Variants in TNS1 observed in about 807,000 individuals in gnomAD.
The protein encoded by TNS1 is tensin 1.
In TNS1, 62 loss-of-function variants were observed where a neutral mutation model predicts 168.6. The ratio of observed to expected loss-of-function variants is 0.37; its 90% CI spans 0.30 to 0.45. The LOEUF is 0.45. TNS1 is among the 20% of genes least tolerant of loss of function. The pLI is 1.00. For synonymous variants in TNS1, 934 were observed against 933.2 expected, an observed-to-expected ratio of 1.00 and a Z score of -0.02; for missense variants, 2,240 against 2,339.4, an observed-to-expected ratio of 0.96 and a Z score of 0.88.
chr2:217,944,147 C>G (rs962527349), intron 3 of TNS1: 1 of 152,510 alleles, frequency 6.6e-6, no homozygotes, highest in Non-Finnish European at 1.5e-5. Flanking sequence ...GCCTCCTTCC[C>G]GGAGCCAGCC....
At chr2:217,887,103 C>A (rs1045427243) in intron 12 of TNS1, among the ~76,000 whole-genome samples, 3 of 152,192 alleles carry the variant, frequency 2.0e-5, no homozygotes, top group African/African-American at 4.8e-5. Context: ...ACTCACAGCC[C>A]CAGTTCTGCC....
chr2:217,901,249 T>A (rs1952940698), intron 6 of TNS1, among the ~76,000 whole-genome samples: 1 of 152,138 alleles, frequency 6.6e-6, no homozygotes, highest in African/African-American at 2.4e-5. Context: ...GATTCCAGGA[T>A]CCTGCTGGGC....
intron 2 of TNS1, among the ~76,000 whole-genome samples, chr2:217,985,009 G>A (rs1026333498): frequency 2.0e-5 from 3 of 151,278 alleles, no homozygotes; most frequent in African/African-American, 4.9e-5. Flanking sequence ...TGCCTACCTC[G>A]GCCTCCCAAA....
At chr2:218,003,042 C>T, upstream of TNS1, 1 of 411,422 alleles carries the variant, frequency 2.4e-6, no homozygotes, top group South Asian at 1.8e-5. Flanking sequence ...CCCTCCTCCT[C>T]CTCCTCCCCC....
rs1437045554 is a variant in TNS1 at position 217,842,290 on chromosome 2, C to T, written c.3007+5220G>A. On this transcript the variant is annotated intron_variant, in intron 19 of 32. Coordinates refer to ENST00000682258, the MANE Select transcript of TNS1 (RefSeq NM_001387777.1). ...TAAACTCCTGACTCATTTATCCAAC[C>T]ACTGCAGATGTTTCATGGTCATCTC... 5.0e-5 allele frequency: 28 copies of T among 559,872 alleles called. No individual in the cohort carries two copies. The East Asian group carries it at 8.4e-4, about 17-fold the overall frequency. The allele number at this position is 559,872 out of a possible 1,614,324, so 34.7% of individuals were successfully genotyped here. A position where few individuals can be genotyped will look rare whatever the true frequency, so the allele number is the denominator to read the frequency against.
rs948145333 is a variant in TNS1, at chr2:217,801,446, T to C, written c.*3013A>G. The C allele has an allele frequency of 1.3e-5, 2 of 152,218 alleles. No homozygotes were observed. Among genetic ancestry groups the C allele is most frequent in the Non-Finnish European group, 2.9e-5 (2 of 68,084 alleles). The allele number at this position is 152,218 out of a possible 1,614,324, so 9.4% of individuals were successfully genotyped here. A position where few individuals can be genotyped will look rare whatever the true frequency, so the allele number is the denominator to read the frequency against. On this transcript the variant is annotated 3_prime_UTR_variant, in exon 33 of 33. Coordinates refer to ENST00000682258, the MANE Select transcript of TNS1 (RefSeq NM_001387777.1). ...GGGACTGAACCTGCTGGGGTCTGCG[T>C]CGCTGCGATGTCCATGACTCCCTGG...
intron 19 of TNS1, among the ~76,000 whole-genome samples, chr2:217,836,774 G>A (rs369162439): frequency 4.6e-5 from 7 of 152,248 alleles, no homozygotes; most frequent in South Asian, 2.1e-4. Context: ...AACTTCATCC[G>A]GTGTACCGCT....
chr2:217,813,266 T>C lies in TNS1; in HGVS notation c.4903A>G (p.Thr1635Ala). The change falls in exon 27 of 33, where the codon ACT becomes GCT. Residue 1635 changes from threonine (T) to alanine (A), a missense_variant. By Grantham distance (58) the Thr-to-Ala change is moderately conservative (BLOSUM62 0). Around this residue, in one of 2 missense-constraint regions of TNS1, gnomAD observed 2,131 missense variants for 2,171.2 expected, o/e 0.98. Transcript: ENST00000682258. The surrounding 1 kb of genome is among the most constrained non-coding windows in gnomAD (Gnocchi z 4.0). ...TTGAGCTTGACTCCTCTGGGGCCAG[T>C]CTCTATCAGAAAATGCCTGACCAGC... ...HELVRHFLIE[T>A]GPRGVKLKGC... 2 of 1,601,170 alleles carry C rather than the reference T, an allele frequency of 1.2e-6. No homozygotes were observed. The highest frequency in any genetic ancestry group is 2.2e-5 in the East Asian group (1 of 44,536).
rs1958920176 is a variant in TNS1, at chr2:218,033,649, C to CCT, written c.156+170_156+171insAG. Among the ~76,000 whole-genome samples the CCT allele has an allele frequency of 6.6e-6, 1 of 152,154 alleles. No individual in the cohort carries two copies. The highest frequency in any genetic ancestry group is 2.4e-5 in the African/African-American group (1 of 41,442). On this transcript the variant is annotated intron_variant, in intron 1 of 1. Transcript: ENST00000649572. This position sits in a 1 kb window ranked among gnomAD's most constrained non-coding sequence, Gnocchi z 4.3. The stretch of plus-strand genomic sequence containing the variant: ...CCCTCTACCCAACTGGAGGCCCCTT[C>CCT]ACCCGGTCGTGGTCCTTCCTCCCCC...
rs1937959232 is a variant in TNS1, at chr2:217,804,254, CTT to C, written c.*203_*204del. ...GGGAATCCAAGTTCTTCTCCTCCAT[CTT>C]TCTCTCTCTCTCTCTCTCTCTCTCT... On this transcript the variant is annotated 3_prime_UTR_variant, in exon 33 of 33. Transcript: ENST00000682258. 4.1e-5 allele frequency: 25 copies of C among 605,040 alleles called. No individual in the cohort carries two copies. Among genetic ancestry groups the C allele is most frequent in the South Asian group, 3.6e-4 (16 of 44,718 alleles). 37.5% of individuals were successfully genotyped at this position (605,040 alleles called of 1,614,324 possible).
intron 19 of TNS1, among the ~76,000 whole-genome samples, chr2:217,837,669 A>C (rs905073972): frequency 6.6e-6 from 1 of 152,264 alleles, no homozygotes. Flanking sequence ...ATCTCAGCTA[A>C]GAAAATAGCG....
chr2:217,920,308 A>G lies in TNS1; in HGVS notation c.187-72T>C, dbSNP rs910785699. 5 of 701,150 alleles carry G rather than the reference A, an allele frequency of 7.1e-6. No homozygotes were observed. The African/African-American group carries it at 8.7e-5, about 12-fold the overall frequency. The allele number at this position is 701,150 out of a possible 1,614,324, so 43.4% of individuals were successfully genotyped here. ...GAGACAGCCAGCACCTCCTGAGGTC[A>G]CCCCACACCTCCCCCTGCTTCATTC... On this transcript the variant is annotated intron_variant, in intron 3 of 32. Coordinates refer to ENST00000682258, the MANE Select transcript of TNS1 (RefSeq NM_001387777.1).
At position 217,944,761 on chromosome 2, in the gene TNS1, G is replaced by A. The variant is rs368662248; in HGVS notation, c.187-24525C>T. 3.3e-5 allele frequency among the ~76,000 whole-genome samples: 5 copies of A among 152,284 alleles called. No homozygotes were observed. In the East Asian group the frequency reaches 7.7e-4, roughly 23 times the overall value. On this transcript the variant is annotated intron_variant, in intron 3 of 32. Coordinates refer to ENST00000682258, the MANE Select transcript of TNS1 (RefSeq NM_001387777.1). ...AAATAAGATGGATTGGCAGAAATGT[G>A]ATAAAGCAAATATATCAAAGTGTTC...
At chr2:218,028,170 C>T (rs1174377279) in intron 1 of TNS1, among the ~76,000 whole-genome samples, 1 of 152,232 alleles carries the variant, frequency 6.6e-6, no homozygotes, top group Non-Finnish European at 1.5e-5. Flanking sequence ...TGTCAGTTGA[C>T]TTCACCTGAC....
At position 217,830,289 on chromosome 2, in the gene TNS1, A is replaced by C. The variant is rs1574675972; in HGVS notation, c.3373+1166T>G. The C allele has an allele frequency of 3.1e-6, 5 of 1,587,858 alleles. No homozygotes were observed. The East Asian group carries it at 1.1e-4, about 36-fold the overall frequency. ...CCCCCGTGGCTCAGTGTCCCTGGCCATGCCGACACTCTGAGTGGGAGGCTA... is the reference window on the plus strand; with the variant it reads ...CCCCCGTGGCTCAGTGTCCCTGGCCCTGCCGACACTCTGAGTGGGAGGCTA... On this transcript the variant is annotated intron_variant, in intron 22 of 32. Transcript: ENST00000682258.
At chr2:217,956,355 C>T (rs1012539828) in intron 3 of TNS1, among the ~76,000 whole-genome samples, 8 of 151,936 alleles carry the variant, frequency 5.3e-5, no homozygotes, top group African/African-American at 1.9e-4. Context: ...ACCTGGGGAA[C>T]AAGGGAGGCT....
intron 12 of TNS1, among the ~76,000 whole-genome samples, chr2:217,887,852 C>T (rs879082740): frequency 3.8e-4 from 58 of 152,208 alleles, no homozygotes; most frequent in Admixed American, 6.5e-4. Flanking sequence ...CCTTCTGCGT[C>T]GATTGGTCGG....
Position 217,818,482 on chromosome 2 carries a change from C to T in TNS1, c.3850G>A (p.Ala1284Thr). 1.9e-6 allele frequency: 3 copies of T among 1,614,214 alleles called. No homozygotes were observed. The highest frequency in any genetic ancestry group is 2.5e-6 in the Non-Finnish European group (3 of 1,180,038). Residue 1284 changes from alanine (A) to threonine (T), a missense_variant, in exon 24 of 33, where the codon GCG becomes ACG. By Grantham distance (58) the Ala-to-Thr change is moderately conservative. This residue lies in a region of TNS1 where 2,131 missense variants were observed against 2,171.2 expected (regional missense o/e 0.98). Coordinates refer to ENST00000682258, the MANE Select transcript of TNS1 (RefSeq NM_001387777.1). ...GVHTVPGSPQ[A>T]RHRTVGTNTP... ...TTGGTGCCCACTGTTCTGTGGCGCGCCTGAGGGCTCCCAGGCACCGTGTGG... is the reference window on the plus strand; with the variant it reads ...TTGGTGCCCACTGTTCTGTGGCGCGTCTGAGGGCTCCCAGGCACCGTGTGG...
chr2:217,857,816 C>T (rs1415322472), intron 18 of TNS1, among the ~76,000 whole-genome samples: 1 of 152,166 alleles, frequency 6.6e-6, no homozygotes, highest in African/African-American at 2.4e-5. Context: ...CCTGGCACTC[C>T]CACCCCTACC....
Sources: gnomAD v4.1 joint callset for allele counts (sites outside exome capture counted in the v4.1 genomes callset) on GRCh38, gnomAD v4.1.1 for gene constraint, gnomAD v4.1.1 regional missense constraint, Gnocchi (gnomAD v3.1) non-coding constraint, MANE v1.5 for transcripts, NCBI Gene and HGNC (gene_info 2026-07-23, HGNC 2026-07-21) for gene names.